TRMT2B: variants seen among roughly 807,000 people sequenced by gnomAD.
TRMT2B encodes the protein tRNA methyltransferase 2B.
In TRMT2B, 34 loss-of-function variants were observed where a neutral mutation model predicts 39.7. The observed-to-expected ratio is 0.86, with a 90% CI of 0.65 to 1.14. TRMT2B has a LOEUF of 1.14. Among genes scored for constraint, TRMT2B ranks in the 50% most tolerant of loss-of-function variants. TRMT2B has a pLI of 0.00. For synonymous variants in TRMT2B, 132 were observed against 137.3 expected, an observed-to-expected ratio of 0.96 and a Z score of 0.27; for missense variants, 318 against 377.2, an observed-to-expected ratio of 0.84 and a Z score of 1.30.
chrX:100,987,692 G>T, the TRMT2B span: 2 of 689,406 alleles, frequency 2.9e-6, no homozygotes, highest in African/African-American at 2.1e-5. Context: ...TGGCTCAAAT[G>T]GGGCTAGGGC....
chrX:100,989,939 G>A, the TRMT2B span, among the ~76,000 whole-genome samples: 5 of 112,731 alleles, frequency 4.4e-5, no homozygotes, highest in East Asian at 5.6e-4. Flanking sequence ...AGAGTAGAGC[G>A]GAAGGAAGTG....
chrX:100,987,038 A>G, the TRMT2B span: 1 of 428,578 alleles, frequency 2.3e-6, no homozygotes, highest in African/African-American at 2.5e-5. Flanking sequence ...GTGATTCCTG[A>G]CTTGATGGTG....
rs755007467 is a variant in TRMT2B at position 101,010,533 on chromosome X, C to T, written c.*48G>A. On this transcript the variant is annotated 3_prime_UTR_variant, in exon 14 of 14. Coordinates refer to ENST00000372936, the MANE Select transcript of TRMT2B (RefSeq NM_024917.6). ...AGCAATATGCCAAACCTGAAAGTTTCTGAAACTTCAGCCTTAACAAATAGC... is the reference window on the plus strand; with the variant it reads ...AGCAATATGCCAAACCTGAAAGTTTTTGAAACTTCAGCCTTAACAAATAGC... 9 of 1,198,332 alleles carry T rather than the reference C, an allele frequency of 7.5e-6. No individual in the cohort carries two copies. In the Admixed American group the frequency reaches 1.1e-4, roughly 15 times the overall value.
At chrX:101,046,842 C>T (rs1263790440) in intron 2 of TRMT2B, among the ~76,000 whole-genome samples, 1 of 111,446 alleles carries the variant, frequency 9.0e-6, no homozygotes, top group African/African-American at 3.3e-5. Flanking sequence ...AGGAGAATCG[C>T]TTGAACCCGG....
intron 7 of TRMT2B, among the ~76,000 whole-genome samples, chrX:101,026,204 G>A (rs1417746906): frequency 9.0e-6 from 1 of 111,517 alleles, no homozygotes; most frequent in Non-Finnish European, 1.9e-5. Flanking sequence ...CTGGTGCAGT[G>A]TCTCTCGCCT....
At chrX:101,020,898 G>A (rs1179638193) in intron 10 of TRMT2B, among the ~76,000 whole-genome samples, 4 of 111,808 alleles carry the variant, frequency 3.6e-5, no homozygotes, top group Admixed American at 9.6e-5. Context: ...TCCAACTCCT[G>A]GGCTCAACCA....
Position 101,037,032 on chromosome X carries a change from C to T in TRMT2B, c.480G>A (p.Val160=). ...NGYRNKSTFS[V]NRGPDGNPKT... The stretch of plus-strand genomic sequence containing the variant: ...TTGGATTGCCATCTGGACCTCGGTT[C>T]ACAGAGAAGGTGGACTTATTTCGGT... The change falls in exon 6 of 14, where the codon GTG becomes GTA. Residue 160 remains valine, a synonymous_variant. Coordinates refer to ENST00000372936, the MANE Select transcript of TRMT2B (RefSeq NM_024917.6). 1 of 1,211,333 alleles carries T rather than the reference C, an allele frequency of 8.3e-7. No homozygotes were observed. Among genetic ancestry groups the T allele is most frequent in the Non-Finnish European group, 1.1e-6 (1 of 895,371 alleles).
chrX:100,995,213 G>A, the TRMT2B span, among the ~76,000 whole-genome samples: 1 of 111,617 alleles, frequency 9.0e-6, no homozygotes, highest in African/African-American at 3.2e-5. Flanking sequence ...AATGAGAACT[G>A]TCACCCAACT....
rs1479125676 is a variant in TRMT2B at position 101,042,303 on chromosome X, T to C, written c.-14A>G. On this transcript the variant is annotated 5_prime_UTR_variant, in exon 3 of 14. Transcript: ENST00000372936. Reference sequence around the variant, plus strand: ...AAGGCCTGCCATCCAAAGAACACACTGAAATCCACCTGCATGAAAGGTACA... The same window carrying C: ...AAGGCCTGCCATCCAAAGAACACACCGAAATCCACCTGCATGAAAGGTACA... 2.5e-6 allele frequency: 3 copies of C among 1,203,708 alleles called. No homozygotes were observed. The South Asian group carries it at 5.4e-5, about 22-fold the overall frequency.
chrX:101,050,368 T>C (rs756243281), intron 2 of TRMT2B, among the ~76,000 whole-genome samples: 62 of 112,743 alleles, frequency 5.5e-4, no homozygotes, highest in Non-Finnish European at 1.1e-3. Flanking sequence ...TCTTTCTTAA[T>C]GTCAGGGGAG....
the TRMT2B span, among the ~76,000 whole-genome samples, chrX:100,999,659 T>C: frequency 2.7e-5 from 3 of 112,284 alleles, no homozygotes; most frequent in Admixed American, 2.9e-4. Flanking sequence ...ACTCAGCTGG[T>C]CTGGACATGG....
downstream of TRMT2B, among the ~76,000 whole-genome samples, chrX:101,007,078 G>A (rs767635439): frequency 9.0e-6 from 1 of 111,387 alleles, no homozygotes; most frequent in South Asian, 3.8e-4. Context: ...AAATTATGAG[G>A]AAGTTGATTT....
intron 11 of TRMT2B, 111 bp downstream of exon 11, chrX:101,020,376 C>A (rs1459064789): frequency 6.5e-6 from 4 of 615,085 alleles, no homozygotes; most frequent in Non-Finnish European, 1.1e-5. Context: ...AATTCCCTCC[C>A]TTCCTCCCTG....
chrX:101,019,731 T>A (rs1167861656), intron 11 of TRMT2B, among the ~76,000 whole-genome samples: 4 of 108,376 alleles, frequency 3.7e-5, no homozygotes, highest in Admixed American at 1.0e-4. Context: ...CCTCCCGGGT[T>A]CAAGCAATTC....
chrX:100,986,843 TTATTGACTATCTACTTCTAAAGAAGCTAG>T, the TRMT2B span: 1 of 1,207,360 alleles, frequency 8.3e-7, no homozygotes, highest in Middle Eastern at 2.3e-4. Context: ...CCTTGTGATA[TTATTGACTATCTACTTCTAAAGAAGCTAG>T]TGAAAGAGAA....
intron 13 of TRMT2B, among the ~76,000 whole-genome samples, chrX:101,017,637 C>T (rs892234037): frequency 3.6e-5 from 4 of 111,602 alleles, no homozygotes; most frequent in African/African-American, 1.3e-4. Context: ...AATAGCTGAC[C>T]AGGGTCAGAA....
the TRMT2B span, among the ~76,000 whole-genome samples, chrX:100,978,209 G>A: frequency 8.9e-6 from 1 of 112,247 alleles, no homozygotes; most frequent in Non-Finnish European, 1.9e-5. Context: ...GAAATGTTCT[G>A]TAAATATCTA....
the TRMT2B span, among the ~76,000 whole-genome samples, chrX:100,989,687 G>T: frequency 5.4e-5 from 6 of 111,486 alleles, no homozygotes; most frequent in Non-Finnish European, 9.4e-5. Flanking sequence ...AAGCTATGAG[G>T]GCTTAAAGGC....
At chrX:100,991,625 C>T in the TRMT2B span, among the ~76,000 whole-genome samples, 14,958 of 111,408 alleles carry the variant, frequency 0.13, 786 homozygotes, top group Admixed American at 0.16. Flanking sequence ...CCGCCCGCCT[C>T]GGCCTCCCAA....
Sources: gnomAD v4.1 joint callset for allele counts (sites outside exome capture counted in the v4.1 genomes callset) on GRCh38, gnomAD v4.1.1 for gene constraint, MANE v1.5 for transcripts, NCBI Gene and HGNC (gene_info 2026-07-23, HGNC 2026-07-21) for gene names.